Variants in CTNNA3 observed in about 807,000 individuals in gnomAD.
CTNNA3 encodes catenin alpha 3.
In CTNNA3, 76 loss-of-function variants were observed where a neutral mutation model predicts 95.7. That is an observed-to-expected ratio of 0.79 (90% CI 0.66 to 0.96). The LOEUF (loss-of-function observed/expected upper bound fraction) is 0.96. CTNNA3 is among the 40% of genes least tolerant of loss of function. The pLI is 0.00. For missense variants in CTNNA3, 1,191 were observed against 1,089.8 expected, an observed-to-expected ratio of 1.09 and a Z score of -1.31; for synonymous variants, 431 against 374.4, an observed-to-expected ratio of 1.15 and a Z score of -1.74.
chr10:67,212,882 G>C (rs1417107473), intron 6 of CTNNA3, among the ~76,000 whole-genome samples: 1 of 151,792 alleles, frequency 6.6e-6, no homozygotes, highest in African/African-American at 2.4e-5. Flanking sequence ...TCATAAATTA[G>C]ATTGGCATGT....
At chr10:66,566,399 G>T (rs1024956178) in intron 10 of CTNNA3, among the ~76,000 whole-genome samples, 1 of 152,136 alleles carries the variant, frequency 6.6e-6, no homozygotes, top group African/African-American at 2.4e-5. Flanking sequence ...AGAGAAACTG[G>T]TTCTTCTCAA....
intron 10 of CTNNA3, among the ~76,000 whole-genome samples, chr10:66,615,692 T>C (rs1450268114): frequency 6.6e-6 from 1 of 151,942 alleles, no homozygotes; most frequent in Non-Finnish European, 1.5e-5. Context: ...TTTCACTATA[T>C]GAAAAAAAGC....
chr10:67,538,157 T>TAAAAAAAAAAA (rs1176919938), intron 4 of CTNNA3, among the ~76,000 whole-genome samples: 53 of 59,120 alleles, frequency 9.0e-4, no homozygotes, highest in African/African-American at 3.6e-3. Flanking sequence ...CTACTTAAAC[T>TAAAAAAAAAAA]AAAAAAAAAA....
chr10:66,312,714 T>C (rs2092040437), intron 12 of CTNNA3, among the ~76,000 whole-genome samples: 1 of 152,008 alleles, frequency 6.6e-6, no homozygotes, highest in South Asian at 2.1e-4. Context: ...GCCCGGATAA[T>C]TTTCTGTATT....
chr10:67,022,889 G>T (rs986798013), intron 7 of CTNNA3, among the ~76,000 whole-genome samples: 2 of 152,154 alleles, frequency 1.3e-5, no homozygotes, highest in Non-Finnish European at 2.9e-5. Flanking sequence ...AGTGAGCCGA[G>T]ATCATGCCAT....
chr10:66,212,655 C>A (rs7081808), intron 13 of CTNNA3, among the ~76,000 whole-genome samples: 31,324 of 152,060 alleles, frequency 0.21, 4,002 homozygotes, highest in Middle Eastern at 0.31. Flanking sequence ...GTATTAATAT[C>A]ATTTCAGTGT....
chr10:66,418,576 C>CACACAT (rs1242206211), intron 11 of CTNNA3, among the ~76,000 whole-genome samples: 1 of 148,344 alleles, frequency 6.7e-6, no homozygotes, highest in Non-Finnish European at 1.5e-5. Context: ...CACACACACA[C>CACACAT]ACACACAGAG....
intron 4 of CTNNA3, among the ~76,000 whole-genome samples, chr10:67,536,613 T>C (rs1180483979): frequency 6.6e-6 from 1 of 152,140 alleles, no homozygotes; most frequent in Non-Finnish European, 1.5e-5. Context: ...TCCCAAAGTA[T>C]GGTTTCAGAA....
intron 11 of CTNNA3, among the ~76,000 whole-genome samples, chr10:66,499,808 T>TC (rs1465446741): frequency 2.0e-5 from 3 of 146,398 alleles, no homozygotes; most frequent in Non-Finnish European, 1.5e-5. Flanking sequence ...TGCATTTCCT[T>TC]TTTTTTTTTT....
intron 10 of CTNNA3, among the ~76,000 whole-genome samples, chr10:66,616,215 C>A (rs1844506639): frequency 1.3e-5 from 2 of 151,976 alleles, no homozygotes; most frequent in East Asian, 1.9e-4. Context: ...GTTTGTGCCC[C>A]CCACAAAATA....
At position 67,301,938 on chromosome 10, in the gene CTNNA3, C is replaced by T. The variant is rs545147222; in HGVS notation, c.580-82068G>A. Among the ~76,000 whole-genome samples the T allele has an allele frequency of 2.0e-4, 29 of 148,280 alleles. 5 individuals are homozygous for T. Among genetic ancestry groups the T allele is most frequent in the African/African-American group, 7.4e-4 (29 of 39,218 alleles). Reference sequence around the variant, plus strand: ...GAGCGGAGATCGCGCCACTGCACCCCAGCCTGGGCGACAGAGCGAGACTCG... The same window carrying T: ...GAGCGGAGATCGCGCCACTGCACCCTAGCCTGGGCGACAGAGCGAGACTCG... On this transcript the variant is annotated intron_variant, in intron 5 of 17. Coordinates refer to ENST00000433211, the MANE Select transcript of CTNNA3 (RefSeq NM_013266.4).
chr10:66,031,687 C>G (rs921027731), intron 15 of CTNNA3, among the ~76,000 whole-genome samples: 1 of 152,144 alleles, frequency 6.6e-6, no homozygotes, highest in African/African-American at 2.4e-5. Context: ...TGTAACATAT[C>G]TGCACATGTC....
chr10:66,912,978 G>A (rs527450371), intron 7 of CTNNA3, among the ~76,000 whole-genome samples: 57 of 152,150 alleles, frequency 3.7e-4, no homozygotes, highest in Non-Finnish European at 6.6e-4. Flanking sequence ...GGTGGCTCAT[G>A]CCTGTAATCC....
At chr10:66,606,179 A>C (rs1253736955) in intron 10 of CTNNA3, among the ~76,000 whole-genome samples, 1 of 152,186 alleles carries the variant, frequency 6.6e-6, no homozygotes, top group Non-Finnish European at 1.5e-5. Context: ...ACAAAGAAGG[A>C]CATTATATAA....
chr10:67,009,764 AT>A (rs1232444732), intron 7 of CTNNA3, among the ~76,000 whole-genome samples: 1 of 152,080 alleles, frequency 6.6e-6, no homozygotes, highest in Non-Finnish European at 1.5e-5. Flanking sequence ...TTTTTACTCC[AT>A]TCCTCTGTCA....
At chr10:66,586,887 C>T (rs1182476180) in intron 10 of CTNNA3, among the ~76,000 whole-genome samples, 1 of 152,090 alleles carries the variant, frequency 6.6e-6, no homozygotes, top group African/African-American at 2.4e-5. Flanking sequence ...TAATGTGGTT[C>T]ACTACTCTTT....
intron 14 of CTNNA3, among the ~76,000 whole-genome samples, chr10:66,088,591 G>C (rs955752403): frequency 5.4e-5 from 8 of 147,832 alleles, no homozygotes; most frequent in African/African-American, 1.7e-4. Context: ...AAACATTCTA[G>C]AAGACAAAGA....
At chr10:67,112,922 G>GA (rs900255724) in intron 7 of CTNNA3, among the ~76,000 whole-genome samples, 8 of 151,902 alleles carry the variant, frequency 5.3e-5, no homozygotes, top group Non-Finnish European at 1.0e-4. Context: ...GCTAGGTCTG[G>GA]AAAAAAGATT....
chr10:66,293,517 T>A (rs2091724614), intron 12 of CTNNA3, among the ~76,000 whole-genome samples: 1 of 152,184 alleles, frequency 6.6e-6, no homozygotes, highest in Non-Finnish European at 1.5e-5. Context: ...TGATAGATAT[T>A]TAATGGCCTT....
Sources: allele counts gnomAD v4.1 joint callset (sites outside exome capture counted in the v4.1 genomes callset), GRCh38; gene constraint gnomAD v4.1.1; transcripts MANE v1.5; gene names NCBI Gene and HGNC (gene_info 2026-07-23, HGNC 2026-07-21).